The following SNTG2 variants were observed in gnomAD, a reference collection of about 807,000 sequenced individuals.
SNTG2 encodes syntrophin gamma 2, also known as gamma-2-syntrophin.
In SNTG2, 74 loss-of-function variants were observed where a neutral mutation model predicts 70.9. The observed-to-expected ratio is 1.04, with a 90% CI of 0.86 to 1.27. SNTG2 has a LOEUF of 1.27. Ranked by LOEUF, SNTG2 falls within the 50% of genes most tolerant of loss-of-function variation. The probability of loss-of-function intolerance (pLI) is 0.00; values close to 1 mark genes in which losing one functional copy is unlikely to be tolerated. For missense variants in SNTG2, 717 were observed against 690.7 expected (o/e 1.04, Z -0.43); for synonymous variants, 278 against 273.8 (o/e 1.02, Z -0.15).
intron 8 of SNTG2, among the ~76,000 whole-genome samples, chr2:1,201,945 A>C (rs1210440051): frequency 2.0e-5 from 3 of 152,008 alleles, no homozygotes; most frequent in Non-Finnish European, 4.4e-5. Flanking sequence ...ACTGTTGAAA[A>C]CCAAGGAAGA....
intron 4 of SNTG2, among the ~76,000 whole-genome samples, chr2:1,125,909 A>G (rs1241040278): frequency 6.6e-6 from 1 of 152,172 alleles, no homozygotes; most frequent in East Asian, 1.9e-4. Context: ...GTACATAATG[A>G]TGCTTCAATA....
chr2:1,186,659 A>T (rs1368574137), intron 8 of SNTG2, among the ~76,000 whole-genome samples: 1 of 152,086 alleles, frequency 6.6e-6, no homozygotes, highest in Non-Finnish European at 1.5e-5. Flanking sequence ...GGTGCTACAC[A>T]CTTTTAATAA....
chr2:973,622 TTC>T, intron 1 of SNTG2, among the ~76,000 whole-genome samples: 1 of 152,082 alleles, frequency 6.6e-6, no homozygotes, highest in African/African-American at 2.4e-5. Context: ...CTCTGCCTTT[TTC>T]TTTTTCTCCT....
chr2:1,203,663 C>A (rs77314994), intron 8 of SNTG2, among the ~76,000 whole-genome samples: 48,673 of 110,062 alleles, frequency 0.44, 9,924 homozygotes, highest in Non-Finnish European at 0.53. Context: ...CAAAAACAAA[C>A]AAAAAAAAAA....
At chr2:1,106,698 G>T in intron 4 of SNTG2, among the ~76,000 whole-genome samples, 1 of 85,926 alleles carries the variant, frequency 1.2e-5, no homozygotes, top group South Asian at 4.9e-4. Context: ...AATAGTGGAT[G>T]CGTGCTGTCA....
chr2:988,751 A>G (rs1006522101), intron 1 of SNTG2, among the ~76,000 whole-genome samples: 7 of 151,676 alleles, frequency 4.6e-5, no homozygotes, highest in Admixed American at 6.6e-5. Context: ...GCATTTTTAT[A>G]TAAATGTAAA....
At chr2:1,006,992 G>A (rs529814138) in intron 1 of SNTG2, among the ~76,000 whole-genome samples, 3 of 152,176 alleles carry the variant, frequency 2.0e-5, no homozygotes, top group Non-Finnish European at 2.9e-5. Context: ...TTGTGCCACT[G>A]CACCCCAGCC....
chr2:1,266,406 C>T (rs1365196717), intron 13 of SNTG2, among the ~76,000 whole-genome samples: 3 of 152,176 alleles, frequency 2.0e-5, no homozygotes, highest in Admixed American at 6.5e-5. Context: ...TGGCAGCATC[C>T]GAATCGCCGA....
At chr2:1,101,802 G>C (rs1419251813) in intron 4 of SNTG2, among the ~76,000 whole-genome samples, 1 of 152,186 alleles carries the variant, frequency 6.6e-6, no homozygotes, top group African/African-American at 2.4e-5. Flanking sequence ...TTCTGGATGA[G>C]CAGGTCTGCA....
chr2:990,474 C>A (rs548263741), intron 1 of SNTG2, among the ~76,000 whole-genome samples: 1 of 152,176 alleles, frequency 6.6e-6, no homozygotes, highest in Admixed American at 6.5e-5. Context: ...TGTGTCCTCT[C>A]GTGGTGGGGG....
intron 14 of SNTG2, among the ~76,000 whole-genome samples, chr2:1,289,636 TGTG>T (rs1679907448): frequency 6.6e-6 from 1 of 152,202 alleles, no homozygotes. Context: ...ATTTTAAAAA[TGTG>T]GTGAAATATA....
intron 11 of SNTG2, among the ~76,000 whole-genome samples, chr2:1,246,472 C>T (rs994038270): frequency 4.6e-5 from 7 of 152,212 alleles, no homozygotes; most frequent in Non-Finnish European, 1.0e-4. Flanking sequence ...ATGGGGCTTG[C>T]ACACTTGAGG....
At chr2:981,531 A>G (rs1382492078) in intron 1 of SNTG2, among the ~76,000 whole-genome samples, 1 of 151,904 alleles carries the variant, frequency 6.6e-6, no homozygotes, top group African/African-American at 2.4e-5. Context: ...CATGTTCCAA[A>G]CTCATGAGCA....
At chr2:955,448 T>G (rs58365081) in intron 1 of SNTG2, among the ~76,000 whole-genome samples, 1,584 of 152,362 alleles carry the variant, frequency 0.01, 29 homozygotes, top group African/African-American at 0.036. Flanking sequence ...CTTGTTTTTA[T>G]TTGGACCCCA....
intron 14 of SNTG2, among the ~76,000 whole-genome samples, chr2:1,287,788 GGCCCAAGCA>G (rs1169622066): frequency 6.6e-6 from 1 of 152,192 alleles, no homozygotes; most frequent in Non-Finnish European, 1.5e-5. Flanking sequence ...TCATGAAAAG[GGCCCAAGCA>G]GCATTTCCAC....
chr2:1,284,910 GATCT>G lies in SNTG2; in HGVS notation c.1284+17352_1284+17355del, dbSNP rs556800529. On this transcript the variant is annotated intron_variant, in intron 14 of 16. Transcript: ENST00000308624. ...GGTTCTCTACAGGGACACAATAGGAGATCTATCTATCTATCTCATATTAGTTTTA... is the reference window on the plus strand; with the variant it reads ...GGTTCTCTACAGGGACACAATAGGAGATCTATCTATCTCATATTAGTTTTA... 3.0e-4 allele frequency among the ~76,000 whole-genome samples: 41 copies of G among 138,762 alleles called. No individual in the cohort carries two copies. In the South Asian group the frequency reaches 4.2e-3, roughly 14 times the overall value. The allele number at this position is 138,762 out of a possible 152,430, so 91.0% of individuals were successfully genotyped here. A position where few individuals can be genotyped will look rare whatever the true frequency, so the allele number is the denominator to read the frequency against.
intron 1 of SNTG2, chr2:1,059,175 G>A (rs1158996198): frequency 2.0e-5 from 3 of 152,160 alleles, no homozygotes; most frequent in South Asian, 2.1e-4. Flanking sequence ...TTTCATTTAC[G>A]AGACTGAGGA....
In SNTG2 at chr2:1,172,711, C is replaced by T. The variant is rs572939790; in HGVS notation, c.500-381C>T. Among the ~76,000 whole-genome samples, 10 of 152,274 alleles carry T rather than the reference C, an allele frequency of 6.6e-5. No homozygotes were observed. In the South Asian group the frequency reaches 1.9e-3, roughly 28 times the overall value. ...TCTCTGGAAAAAACCTTTTGAGTGG[C>T]CTGGTATGATCATCTCCTTTCAAAA... is the stretch of plus-strand genomic sequence containing the variant. On this transcript the variant is annotated intron_variant, in intron 7 of 16. Coordinates refer to ENST00000308624, the MANE Select transcript of SNTG2 (RefSeq NM_018968.4).
At chr2:1,011,806 A>G (rs960617135) in intron 1 of SNTG2, among the ~76,000 whole-genome samples, 2 of 152,158 alleles carry the variant, frequency 1.3e-5, no homozygotes, top group Admixed American at 6.5e-5. Flanking sequence ...CAACTAAAAA[A>G]CACATTTAAA....
Sources: gnomAD v4.1 joint callset for allele counts (sites outside exome capture counted in the v4.1 genomes callset) on GRCh38, gnomAD v4.1.1 for gene constraint, MANE v1.5 for transcripts, NCBI Gene and HGNC (gene_info 2026-07-23, HGNC 2026-07-21) for gene names.